SAMD5: variants seen among roughly 807,000 people sequenced by gnomAD.
The protein encoded by SAMD5 is sterile alpha motif domain-containing protein 5.
SAMD5 carries 13 observed loss-of-function variants against 11.3 expected under a neutral mutation model. That is an observed-to-expected ratio of 1.15 (90% CI 0.75 to 1.83). The LOEUF (loss-of-function observed/expected upper bound fraction) is 1.83. Among genes scored for constraint, SAMD5 ranks in the 40% most tolerant of loss-of-function variants. The pLI is 0.00. For missense variants in SAMD5, 255 were observed against 239.1 expected, an observed-to-expected ratio of 1.07 and a Z score of -0.44; for synonymous variants, 129 against 111.3, an observed-to-expected ratio of 1.16 and a Z score of -1.00.
chr6:147,755,854 G>T, the SAMD5 span, among the ~76,000 whole-genome samples: 63,081 of 151,910 alleles, frequency 0.42, 15,367 homozygotes, highest in Middle Eastern at 0.56. Flanking sequence ...TATAAATAAA[G>T]ACTTTTAATT....
intron 1 of SAMD5, among the ~76,000 whole-genome samples, chr6:147,521,369 GCA>G (rs949268483): frequency 1.3e-5 from 2 of 151,952 alleles, no homozygotes; most frequent in Non-Finnish European, 2.9e-5. Context: ...CATGTAGATT[GCA>G]CATATTTTTC....
At chr6:147,654,529 C>G (rs1023919042) in intron 1 of SAMD5, among the ~76,000 whole-genome samples, 1 of 152,002 alleles carries the variant, frequency 6.6e-6, no homozygotes, top group Non-Finnish European at 1.5e-5. Context: ...ATTATTTTTA[C>G]CAAAACATAT....
intron 1 of SAMD5, among the ~76,000 whole-genome samples, chr6:147,681,559 AT>A (rs1247160996): frequency 1.3e-5 from 2 of 151,806 alleles, no homozygotes; most frequent in Non-Finnish European, 2.9e-5. Flanking sequence ...CTTTTCATGG[AT>A]TTTGTTTTCT....
the SAMD5 span, among the ~76,000 whole-genome samples, chr6:147,808,895 TA>T: frequency 6.6e-6 from 1 of 152,164 alleles, no homozygotes; most frequent in Non-Finnish European, 1.5e-5. Flanking sequence ...TGGCCTAAAC[TA>T]AAGCCCAATT....
At chr6:147,751,842 GA>G in the SAMD5 span, among the ~76,000 whole-genome samples, 36 of 151,722 alleles carry the variant, frequency 2.4e-4, no homozygotes, top group African/African-American at 7.7e-4. Context: ...TTTTTTTTCA[GA>G]AGAGATCTGA....
Position 147,523,864 on chromosome 6 carries a change from G to A in SAMD5, c.459+14477G>A, listed in dbSNP as rs149078504. Among the ~76,000 whole-genome samples the A allele has an allele frequency of 1.7e-3, 256 of 152,202 alleles. 2 individuals carry two copies. The highest frequency in any genetic ancestry group is 5.8e-3 in the African/African-American group (239 of 41,530). On this transcript the variant is annotated intron_variant, in intron 1 of 1. Transcript: ENST00000367474. ...AGAAAGGATGGGATAGTTGCTGCCC[G>A]GGATCACACAAACTCAGTGTATCTC...
At chr6:147,580,792 T>G (rs1789286539) in intron 1 of SAMD5, among the ~76,000 whole-genome samples, 2 of 150,466 alleles carry the variant, frequency 1.3e-5, no homozygotes. Flanking sequence ...AAGACATAAA[T>G]TTCTTTTTTG....
chr6:147,668,414 T>A (rs2128455203), intron 1 of SAMD5, among the ~76,000 whole-genome samples: 1 of 152,324 alleles, frequency 6.6e-6, no homozygotes, highest in East Asian at 1.9e-4. Flanking sequence ...TTTTCAGGGT[T>A]TTTTTGTAAG....
At chr6:147,904,101 C>T in the SAMD5 span, among the ~76,000 whole-genome samples, 2 of 152,174 alleles carry the variant, frequency 1.3e-5, no homozygotes, top group Non-Finnish European at 2.9e-5. Flanking sequence ...CCAATCTCTA[C>T]TAGCTGTCTC....
At chr6:147,910,328 G>A in the SAMD5 span, among the ~76,000 whole-genome samples, 4,119 of 152,148 alleles carry the variant, frequency 0.027, 194 homozygotes, top group African/African-American at 0.093. Flanking sequence ...GCTTCCTGAC[G>A]TCACACCGCT....
intron 1 of SAMD5, among the ~76,000 whole-genome samples, chr6:147,607,879 T>C (rs1789725753): frequency 6.6e-6 from 1 of 152,142 alleles, no homozygotes; most frequent in Non-Finnish European, 1.5e-5. Flanking sequence ...ATTTGCAAAC[T>C]ACCCATCTGA....
intron 1 of SAMD5, among the ~76,000 whole-genome samples, chr6:147,675,473 T>C (rs1422386163): frequency 6.6e-6 from 1 of 152,232 alleles, no homozygotes; most frequent in Non-Finnish European, 1.5e-5. Flanking sequence ...ACAGATGTTC[T>C]AGATACTGTT....
chr6:147,685,543 C>T (rs535125756), intron 1 of SAMD5, among the ~76,000 whole-genome samples: 15 of 152,156 alleles, frequency 9.9e-5, no homozygotes, highest in Non-Finnish European at 1.8e-4. Flanking sequence ...TCATCACAGC[C>T]ACTTTCTTCA....
At chr6:147,628,127 T>C (rs1356501617) in intron 1 of SAMD5, among the ~76,000 whole-genome samples, 1 of 152,228 alleles carries the variant, frequency 6.6e-6, no homozygotes, top group African/African-American at 2.4e-5. Flanking sequence ...TTGTTTTCCC[T>C]AATGTTGATG....
chr6:147,828,239 C>T, the SAMD5 span, among the ~76,000 whole-genome samples: 1 of 152,152 alleles, frequency 6.6e-6, no homozygotes, highest in Non-Finnish European at 1.5e-5. Flanking sequence ...CATACAAATT[C>T]TTTTCCTAAA....
At chr6:147,826,537 C>G in the SAMD5 span, among the ~76,000 whole-genome samples, 1 of 152,166 alleles carries the variant, frequency 6.6e-6, no homozygotes, top group Admixed American at 6.5e-5. Flanking sequence ...CTTTACTCCT[C>G]CGAAGATCAC....
chr6:147,657,058 G>A (rs1257193267), intron 1 of SAMD5, among the ~76,000 whole-genome samples: 1 of 152,036 alleles, frequency 6.6e-6, no homozygotes, highest in African/African-American at 2.4e-5. Flanking sequence ...CTGTGTATTA[G>A]GCAGCTGTAA....
chr6:147,929,469 A>G, the SAMD5 span, among the ~76,000 whole-genome samples: 1 of 152,296 alleles, frequency 6.6e-6, no homozygotes, highest in African/African-American at 2.4e-5. Flanking sequence ...TATCTTTCTC[A>G]CCTTGAAATG....
chr6:147,731,783 A>G (rs1329541911), intron 1 of SAMD5, among the ~76,000 whole-genome samples: 1 of 150,862 alleles, frequency 6.6e-6, no homozygotes, highest in Non-Finnish European at 1.5e-5. Flanking sequence ...AAAGCAACCA[A>G]CAGAATTTAG....
Sources: allele counts gnomAD v4.1 joint callset (sites outside exome capture counted in the v4.1 genomes callset), GRCh38; gene constraint gnomAD v4.1.1; transcripts MANE v1.5; gene names NCBI Gene and HGNC (gene_info 2026-07-23, HGNC 2026-07-21).